The following CPVL variants were observed in gnomAD, a reference collection of about 807,000 sequenced individuals.
The protein encoded by CPVL is carboxypeptidase vitellogenic like.
In CPVL, 51 loss-of-function variants were observed where a neutral mutation model predicts 63.7. The ratio of observed to expected loss-of-function variants is 0.80; its 90% CI spans 0.64 to 1.01. The LOEUF (loss-of-function observed/expected upper bound fraction) is 1.01. Among genes scored for constraint, CPVL ranks in the 50% least tolerant of loss-of-function variants. The pLI is 0.00. For synonymous variants in CPVL, 195 were observed against 206.0 expected (o/e 0.95, Z 0.46); for missense variants, 530 against 573.1 (o/e 0.92, Z 0.77).
intron 11 of CPVL, among the ~76,000 whole-genome samples, chr7:29,033,723 G>A (rs1788251330): frequency 6.6e-6 from 1 of 152,224 alleles, no homozygotes; most frequent in South Asian, 2.1e-4. Flanking sequence ...GCTGGTTGGA[G>A]TTGGTCTCCA....
At chr7:29,088,860 A>G (rs1019353669) in intron 6 of CPVL, among the ~76,000 whole-genome samples, 1 of 152,142 alleles carries the variant, frequency 6.6e-6, no homozygotes, top group Admixed American at 6.5e-5. Context: ...CTGTAGTCCC[A>G]GCTACTCAGG....
At chr7:29,167,401 G>A (rs564761483) in intron 5 of CPVL, among the ~76,000 whole-genome samples, 41 of 152,050 alleles carry the variant, frequency 2.7e-4, no homozygotes, top group African/African-American at 9.6e-4. Context: ...CACTATCTGC[G>A]GACATGAGAG....
intron 5 of CPVL, among the ~76,000 whole-genome samples, chr7:29,166,019 C>T (rs1392551813): frequency 6.6e-6 from 1 of 151,924 alleles, no homozygotes; most frequent in Non-Finnish European, 1.5e-5. Context: ...GATTGAGTTG[C>T]AAAGTGGGTT....
chr7:29,071,338 T>C (rs2128575523), intron 9 of CPVL, among the ~76,000 whole-genome samples: 2 of 152,350 alleles, frequency 1.3e-5, no homozygotes, highest in Middle Eastern at 3.4e-3. Flanking sequence ...TGTCATCTGT[T>C]ACACACTGTG....
At chr7:29,166,800 C>A (rs1350524044) in intron 5 of CPVL, among the ~76,000 whole-genome samples, 1 of 151,958 alleles carries the variant, frequency 6.6e-6, no homozygotes, top group Non-Finnish European at 1.5e-5. Context: ...TCTCAAAAAA[C>A]CAGTTTTTTA....
intron 7 of CPVL, among the ~76,000 whole-genome samples, chr7:29,073,756 T>C (rs1783974566): frequency 6.6e-6 from 1 of 152,238 alleles, no homozygotes; most frequent in African/African-American, 2.4e-5. Context: ...CTACCCATAC[T>C]AGAATATAAG....
chr7:29,107,985 C>G (rs977078184), intron 3 of CPVL, among the ~76,000 whole-genome samples: 1 of 152,154 alleles, frequency 6.6e-6, no homozygotes, highest in Non-Finnish European at 1.5e-5. Flanking sequence ...AGCATTAGAG[C>G]GGTTCATTTT....
chr7:29,161,686 A>C (rs1220372382), intron 5 of CPVL, among the ~76,000 whole-genome samples: 1 of 152,242 alleles, frequency 6.6e-6, no homozygotes, highest in Non-Finnish European at 1.5e-5. Flanking sequence ...AAAAATAGAT[A>C]CTTAAAAATT....
rs552440619 is a variant in CPVL, at chr7:29,155,741, G to A, written c.-11+25549C>T. On this transcript the variant is annotated intron_variant, in intron 5 of 16. Coordinates refer to the CPVL transcript ENST00000409850. ...CAACCGTGGACAGTCCTCCCTCATC[G>A]GGAGCCAGGAGGGTAGGCTGGCTGG... 1.5e-4 allele frequency among the ~76,000 whole-genome samples: 23 copies of A among 152,240 alleles called. No individual in the cohort carries two copies. The South Asian group carries it at 4.6e-3, about 30-fold the overall frequency.
chr7:29,139,592 A>T (rs566198316), intron 1 of CPVL, among the ~76,000 whole-genome samples: 97 of 152,294 alleles, frequency 6.4e-4, no homozygotes, highest in African/African-American at 8.7e-4. Flanking sequence ...CAGATTTTTT[A>T]AAAATCCTAT....
At chr7:29,126,044 A>T (rs1466961866) in intron 1 of CPVL, among the ~76,000 whole-genome samples, 1 of 152,192 alleles carries the variant, frequency 6.6e-6, no homozygotes, top group East Asian at 1.9e-4. Context: ...CACCGTTAAC[A>T]ATTAAACTGT....
intron 5 of CPVL, among the ~76,000 whole-genome samples, chr7:29,151,846 A>AT (rs1187550104): frequency 6.6e-6 from 1 of 152,208 alleles, no homozygotes; most frequent in Non-Finnish European, 1.5e-5. Flanking sequence ...ATTTGACGAA[A>AT]TTGTATGTAT....
chr7:29,112,776 C>T lies in CPVL; in HGVS notation c.216G>A (p.Lys72=). 1 of 1,613,800 alleles carries T rather than the reference C, an allele frequency of 6.2e-7. No homozygotes were observed. The highest frequency in any genetic ancestry group is 8.5e-7 in the Non-Finnish European group (1 of 1,179,918). Residue 72 remains lysine, a synonymous_variant, in exon 3 of 13, where the codon AAG becomes AAA. Transcript: ENST00000265394. ...TCACGGTGAGGAAGCCGGCATAACTCTTCATGTTCAGTCCTGGGAAAGGGC... is the reference window on the plus strand; with the variant it reads ...TCACGGTGAGGAAGCCGGCATAACTTTTCATGTTCAGTCCTGGGAAAGGGC... ...LVGPFPGLNM[K]SYAGFLTVNK...
chr7:29,023,117 CA>C (rs1194603947), intron 12 of CPVL, among the ~76,000 whole-genome samples: 1 of 152,234 alleles, frequency 6.6e-6, no homozygotes, highest in Non-Finnish European at 1.5e-5. Context: ...TTCAGTGATC[CA>C]CTTGCCAGCC....
intron 5 of CPVL, among the ~76,000 whole-genome samples, chr7:29,093,128 GTAATCC>G (rs1786000509): frequency 6.6e-6 from 1 of 152,078 alleles, no homozygotes; most frequent in Non-Finnish European, 1.5e-5. Flanking sequence ...GCTCACTTCT[GTAATCC>G]CAGCACTTTG....
At chr7:29,107,446 C>T (rs1349044320) in intron 3 of CPVL, among the ~76,000 whole-genome samples, 1 of 152,200 alleles carries the variant, frequency 6.6e-6, no homozygotes, top group African/African-American at 2.4e-5. Context: ...CCTTAGCAAT[C>T]CACTAGGTTT....
intron 5 of CPVL, among the ~76,000 whole-genome samples, chr7:29,168,609 T>C (rs78200145): frequency 0.012 from 1,771 of 152,348 alleles, 34 homozygotes; most frequent in African/African-American, 0.041. Flanking sequence ...TCCAGTGTTA[T>C]GTGAGGGTCT....
At chr7:29,049,979 A>T (rs568184283) in intron 11 of CPVL, among the ~76,000 whole-genome samples, 1 of 152,322 alleles carries the variant, frequency 6.6e-6, no homozygotes, top group East Asian at 1.9e-4. Context: ...CTTTATGATT[A>T]AAACTCTCAG....
At chr7:29,167,149 C>G (rs537800808) in intron 5 of CPVL, among the ~76,000 whole-genome samples, 22 of 152,248 alleles carry the variant, frequency 1.4e-4, no homozygotes, top group African/African-American at 5.3e-4. Flanking sequence ...AAAGTGTACT[C>G]AAAGGTACAA....
Sources: gnomAD v4.1 joint callset for allele counts (sites outside exome capture counted in the v4.1 genomes callset) on GRCh38, gnomAD v4.1.1 for gene constraint, MANE v1.5 for transcripts, NCBI Gene and HGNC (gene_info 2026-07-23, HGNC 2026-07-21) for gene names.